The following EML6 variants were observed in gnomAD, a reference collection of about 807,000 sequenced individuals.
EML6 encodes the protein echinoderm microtubule-associated protein-like 6.
In EML6, 154 loss-of-function variants were observed where a neutral mutation model predicts 240.1. The observed-to-expected ratio is 0.64, with a 90% confidence interval of 0.56 to 0.73. The LOEUF (loss-of-function observed/expected upper bound fraction) is 0.73. Ranked by LOEUF, EML6 falls within the 30% of genes least tolerant of loss-of-function variation. The pLI, the probability that EML6 is intolerant of heterozygous loss-of-function variation, is 0.00. For missense variants in EML6, 2,964 were observed against 2,474.6 expected (o/e 1.20, Z -4.20); for synonymous variants, 1,148 against 899.0 (o/e 1.28, Z -4.95).
chr2:54,872,846 A>T (rs1009723208), intron 16 of EML6, among the ~76,000 whole-genome samples: 1 of 152,152 alleles, frequency 6.6e-6, no homozygotes, highest in Non-Finnish European at 1.5e-5. Flanking sequence ...AGGGAGAAAT[A>T]ACCTGTCCTT....
At chr2:54,884,310 C>T (rs979294056) in intron 17 of EML6, among the ~76,000 whole-genome samples, 1 of 152,204 alleles carries the variant, frequency 6.6e-6, no homozygotes, top group Admixed American at 6.5e-5. Flanking sequence ...CTGGGTGCAC[C>T]TCCCTCCAGG....
intron 23 of EML6, 69 bp from the exon 24 acceptor site, chr2:54,903,302 A>G: frequency 6.5e-7 from 1 of 1,527,996 alleles, no homozygotes; most frequent in Non-Finnish European, 8.8e-7. Flanking sequence ...CACTTTTAAA[A>G]TACTAAGTTC....
intron 26 of EML6, among the ~76,000 whole-genome samples, chr2:54,923,241 A>G (rs1674354912): frequency 6.6e-6 from 1 of 152,012 alleles, no homozygotes; most frequent in Non-Finnish European, 1.5e-5. Context: ...ACGCCTGGCC[A>G]AAGAGTATAA....
chr2:54,917,372 T>TG (rs1558684006), intron 26 of EML6, among the ~76,000 whole-genome samples: 16 of 146,550 alleles, frequency 1.1e-4, no homozygotes, highest in South Asian at 2.1e-4. Context: ...TTTTTTTTTT[T>TG]TTTGTTTTTT....
chr2:54,827,081 A>C (rs1668633582), intron 5 of EML6, among the ~76,000 whole-genome samples: 1 of 152,110 alleles, frequency 6.6e-6, no homozygotes, highest in South Asian at 2.1e-4. Context: ...GCTGATACAC[A>C]AGAATCACTT....
At chr2:54,822,546 A>G (rs995166324) in intron 5 of EML6, among the ~76,000 whole-genome samples, 2 of 152,228 alleles carry the variant, frequency 1.3e-5, no homozygotes, top group Admixed American at 6.5e-5. Flanking sequence ...TGTTACATCC[A>G]TATGATGAAA....
chr2:54,863,379 G>C (rs1045322775), intron 12 of EML6, among the ~76,000 whole-genome samples: 1 of 152,148 alleles, frequency 6.6e-6, no homozygotes, highest in African/African-American at 2.4e-5. Flanking sequence ...AATTAACTGG[G>C]CATGGTGGTA....
intron 10 of EML6, among the ~76,000 whole-genome samples, chr2:54,850,881 T>C (rs62136941): frequency 2.5e-3 from 382 of 152,278 alleles, no homozygotes; most frequent in Non-Finnish European, 3.9e-3. Flanking sequence ...TAAATTAAAC[T>C]AGAGCTACTT....
intron 25 of EML6, among the ~76,000 whole-genome samples, chr2:54,916,235 C>G (rs1239890925): frequency 6.6e-6 from 1 of 152,198 alleles, no homozygotes; most frequent in African/African-American, 2.4e-5. Context: ...AAATGATCAT[C>G]TCCATTGATC....
chr2:54,745,209 T>C (rs1184331569), intron 2 of EML6, among the ~76,000 whole-genome samples: 1 of 152,180 alleles, frequency 6.6e-6, no homozygotes, highest in Non-Finnish European at 1.5e-5. Flanking sequence ...TACAGAACAC[T>C]GAATTCAGTT....
intron 17 of EML6, among the ~76,000 whole-genome samples, chr2:54,885,563 G>A (rs557851312): frequency 6.6e-5 from 10 of 152,152 alleles, no homozygotes; most frequent in Admixed American, 2.6e-4. Flanking sequence ...AATTGTTAAC[G>A]ATATGTCCAG....
At chr2:54,885,101 G>A (rs1672053131) in intron 17 of EML6, among the ~76,000 whole-genome samples, 1 of 152,120 alleles carries the variant, frequency 6.6e-6, no homozygotes. Flanking sequence ...AGGTTGCAGT[G>A]AGCCCAGATT....
At chr2:54,865,243 C>A (rs1413749516) in intron 13 of EML6, among the ~76,000 whole-genome samples, 2 of 149,998 alleles carry the variant, frequency 1.3e-5, no homozygotes, top group East Asian at 2.0e-4. Context: ...AATACCGATG[C>A]TTTGGGAGGA....
intron 26 of EML6, among the ~76,000 whole-genome samples, chr2:54,923,373 A>ATG (rs1674365505): frequency 7.1e-6 from 1 of 141,188 alleles, no homozygotes; most frequent in African/African-American, 3.0e-5. Flanking sequence ...AAACGCACAC[A>ATG]CACACACACA....
Position 54,970,108 on chromosome 2 carries a change from C to A in EML6, c.*13C>A. 6.4e-7 allele frequency: 1 copy of A among 1,551,574 alleles called. No homozygotes were observed. Among genetic ancestry groups the A allele is most frequent in the Admixed American group, 2.0e-5 (1 of 50,994 alleles). On this transcript the variant is annotated 3_prime_UTR_variant, in exon 42 of 42. Coordinates refer to ENST00000356458, the MANE Select transcript of EML6 (RefSeq NM_001039753.4). ...GCGATGTCTGTAAAATGCCAGAAGC[C>A]TCTTATGTTATTGCTGCTGCTGCTA...
chr2:54,873,535 A>C (rs1454040197), intron 16 of EML6, among the ~76,000 whole-genome samples: 1 of 152,094 alleles, frequency 6.6e-6, no homozygotes, highest in Non-Finnish European at 1.5e-5. Flanking sequence ...AGTGAAACCT[A>C]AAAGAAGCTG....
Position 54,968,821 on chromosome 2 carries a change from T to A in EML6, c.5852+53T>A, listed in dbSNP as rs1676865552. The A allele has an allele frequency of 9.0e-6, 9 of 994,730 alleles. No homozygotes were observed. The South Asian group carries it at 9.8e-5, about 11-fold the overall frequency. 61.6% of individuals were successfully genotyped at this position (994,730 alleles called of 1,614,324 possible). ...CTCCACAGGCCTGGCCAGCTCTCCC[T>A]CCCCATCTCAGGCATCCCGTGGGTC... is the stretch of plus-strand genomic sequence containing the variant. On this transcript the variant is annotated intron_variant, in intron 41 of 41. Transcript: ENST00000356458.
intron 5 of EML6, among the ~76,000 whole-genome samples, chr2:54,821,187 A>G (rs1668318233): frequency 6.6e-6 from 1 of 152,136 alleles, no homozygotes; most frequent in Non-Finnish European, 1.5e-5. Flanking sequence ...ATTCTGTACA[A>G]AAATGGTACA....
intron 35 of EML6, among the ~76,000 whole-genome samples, 174 bp from the exon 36 acceptor site, chr2:54,962,349 C>T (rs1428265386): frequency 6.6e-6 from 1 of 152,118 alleles, no homozygotes; most frequent in Non-Finnish European, 1.5e-5. Context: ...CAGAACTTTT[C>T]TTGCAAAACT....
Sources: allele counts gnomAD v4.1 joint callset (sites outside exome capture counted in the v4.1 genomes callset), GRCh38; gene constraint gnomAD v4.1.1; transcripts MANE v1.5; gene names NCBI Gene and HGNC (gene_info 2026-07-23, HGNC 2026-07-21).